Variants in ADGRB3 observed in about 807,000 individuals in gnomAD.
ADGRB3 encodes brain-specific angiogenesis inhibitor 3.
A neutral mutation model predicts 193.4 loss-of-function variants in ADGRB3; 37 were observed. The observed-to-expected ratio is 0.19, with a 90% confidence interval of 0.15 to 0.25. The LOEUF (loss-of-function observed/expected upper bound fraction) is 0.25. Ranked by LOEUF, ADGRB3 falls within the 10% of genes least tolerant of loss-of-function variation. The pLI is 1.00. For synonymous variants in ADGRB3, 690 were observed against 644.2 expected, an observed-to-expected ratio of 1.07 and a Z score of -1.08; for missense variants, 1,637 against 1,852.9, an observed-to-expected ratio of 0.88 and a Z score of 2.14.
intron 10 of ADGRB3, among the ~76,000 whole-genome samples, chr6:68,976,596 A>G (rs1456477362): frequency 6.6e-6 from 1 of 152,352 alleles, no homozygotes; most frequent in African/African-American, 2.4e-5. Flanking sequence ...TCCATATGTT[A>G]CATATATTTT....
intron 17 of ADGRB3, among the ~76,000 whole-genome samples, chr6:69,092,222 T>G (rs1257636553): frequency 6.6e-6 from 1 of 152,220 alleles, no homozygotes; most frequent in African/African-American, 2.4e-5. Flanking sequence ...CTATTCTCTT[T>G]ACCCTTCTTC....
intron 17 of ADGRB3, among the ~76,000 whole-genome samples, chr6:69,189,183 C>T (rs1765133060): frequency 6.6e-6 from 1 of 152,142 alleles, no homozygotes; most frequent in South Asian, 2.1e-4. Flanking sequence ...ATGTCAGAAA[C>T]TCTTAAATTA....
At chr6:68,856,118 C>T (rs1034537211) in intron 3 of ADGRB3, among the ~76,000 whole-genome samples, 6 of 152,190 alleles carry the variant, frequency 3.9e-5, no homozygotes, top group African/African-American at 1.4e-4. Flanking sequence ...TGCCTTCCAC[C>T]ATGATTGTGA....
chr6:69,066,829 A>G (rs772639024), intron 16 of ADGRB3, among the ~76,000 whole-genome samples: 2 of 152,138 alleles, frequency 1.3e-5, no homozygotes, highest in Admixed American at 6.6e-5. Context: ...CCTATAATGC[A>G]TAAGGAAAGT....
chr6:69,331,486 G>T, intron 23 of ADGRB3: 1 of 969,054 alleles, frequency 1.0e-6, no homozygotes. Flanking sequence ...AAATTGGAAG[G>T]TAGTGACATC....
At chr6:69,099,600 C>T (rs1237100615) in intron 17 of ADGRB3, among the ~76,000 whole-genome samples, 1 of 152,214 alleles carries the variant, frequency 6.6e-6, no homozygotes, top group Non-Finnish European at 1.5e-5. Flanking sequence ...TTTCTTGCTC[C>T]TCAATGTGCT....
chr6:68,719,314 A>G (rs1193625753), intron 3 of ADGRB3, among the ~76,000 whole-genome samples: 1 of 151,202 alleles, frequency 6.6e-6, no homozygotes, highest in African/African-American at 2.4e-5. Context: ...ATGGCTATGG[A>G]ACATTTTAGG....
intron 17 of ADGRB3, among the ~76,000 whole-genome samples, chr6:69,155,507 G>A (rs926516922): frequency 5.9e-5 from 9 of 152,092 alleles, no homozygotes; most frequent in African/African-American, 2.2e-4. Context: ...AAGATACTTT[G>A]CAAACTCTAG....
intron 10 of ADGRB3, among the ~76,000 whole-genome samples, chr6:68,985,235 A>AT (rs1322190845): frequency 6.6e-6 from 1 of 152,178 alleles, no homozygotes; most frequent in Non-Finnish European, 1.5e-5. Context: ...AGCACCTGAG[A>AT]GCTTGTTAGA....
chr6:69,242,819 A>G (rs987284436), intron 20 of ADGRB3, among the ~76,000 whole-genome samples: 4 of 151,820 alleles, frequency 2.6e-5, no homozygotes, highest in Non-Finnish European at 5.9e-5. Flanking sequence ...GTGCATTTAA[A>G]CTTTCAACCA....
chr6:68,788,433 AG>A (rs1013849500), intron 3 of ADGRB3, among the ~76,000 whole-genome samples: 24 of 152,246 alleles, frequency 1.6e-4, no homozygotes, highest in African/African-American at 5.5e-4. Flanking sequence ...ATTCAGGAAC[AG>A]GTTGTTGAGT....
At position 68,768,345 on chromosome 6, in the gene ADGRB3, C is replaced by T. The variant is rs150029592; in HGVS notation, c.757+128913C>T. 2.3e-3 allele frequency among the ~76,000 whole-genome samples: 353 copies of T among 152,062 alleles called. 1 individual carries two copies. Among genetic ancestry groups the T allele is most frequent in the African/African-American group, 8.1e-3 (336 of 41,504 alleles). ...ATGGTACTGTTACCAAAACAGATAT[C>T]TAGACCAAGGGAACAGAAGAGAGGC... On this transcript the variant is annotated intron_variant, in intron 3 of 31. Coordinates refer to ENST00000370598, the MANE Select transcript of ADGRB3 (RefSeq NM_001704.3).
At chr6:68,659,535 CTTTTATTGATT>C (rs1231238023) in intron 3 of ADGRB3, among the ~76,000 whole-genome samples, 1 of 150,512 alleles carries the variant, frequency 6.6e-6, no homozygotes, top group African/African-American at 2.4e-5. Flanking sequence ...TTTAGAATGA[CTTTTATTGATT>C]TTTTAATGTA....
At chr6:68,663,954 A>AT (rs973960538) in intron 3 of ADGRB3, among the ~76,000 whole-genome samples, 8 of 151,806 alleles carry the variant, frequency 5.3e-5, no homozygotes, top group African/African-American at 1.9e-4. Context: ...GTGCAATTTA[A>AT]TTTTCACTAA....
At chr6:68,900,147 A>T (rs972724906) in intron 3 of ADGRB3, among the ~76,000 whole-genome samples, 2 of 152,166 alleles carry the variant, frequency 1.3e-5, no homozygotes, top group Non-Finnish European at 2.9e-5. Context: ...TACATTTAGA[A>T]ATATGTAATA....
chr6:69,153,986 C>G, intron 17 of ADGRB3, among the ~76,000 whole-genome samples: 1 of 151,842 alleles, frequency 6.6e-6, no homozygotes, highest in African/African-American at 2.4e-5. Flanking sequence ...GAGTGAGACT[C>G]TGTCTCAAAA....
intron 6 of ADGRB3, among the ~76,000 whole-genome samples, chr6:68,946,151 T>G (rs774021729): frequency 6.6e-6 from 1 of 152,126 alleles, no homozygotes; most frequent in South Asian, 2.1e-4. Flanking sequence ...TCACATTGTA[T>G]CCCTATGAAC....
intron 14 of ADGRB3, among the ~76,000 whole-genome samples, chr6:69,048,864 G>GA (rs1490776599): frequency 1.3e-5 from 2 of 152,056 alleles, no homozygotes; most frequent in African/African-American, 2.4e-5. Context: ...ACAAATTTGA[G>GA]AAAAAATTAA....
chr6:69,213,268 A>C (rs531728005), intron 17 of ADGRB3, among the ~76,000 whole-genome samples: 39 of 152,254 alleles, frequency 2.6e-4, no homozygotes, highest in South Asian at 8.3e-4. Flanking sequence ...ATTAGTTTGC[A>C]CTTCACTCTC....
Sources: gnomAD v4.1 joint callset for allele counts (sites outside exome capture counted in the v4.1 genomes callset) on GRCh38, gnomAD v4.1.1 for gene constraint, MANE v1.5 for transcripts, NCBI Gene and HGNC (gene_info 2026-07-23, HGNC 2026-07-21) for gene names.